The following NAALADL2 variants were observed in gnomAD, a reference collection of about 807,000 sequenced individuals.
The protein encoded by NAALADL2 is N-acetylated alpha-linked acidic dipeptidase like 2.
Under a neutral mutation model 87.2 loss-of-function variants are expected in NAALADL2, and 76 were observed. The ratio of observed to expected loss-of-function variants is 0.87; its 90% confidence interval spans 0.72 to 1.05. The LOEUF (loss-of-function observed/expected upper bound fraction) is 1.05, where lower values mean the gene tolerates loss of function less well. Among genes scored for constraint, NAALADL2 ranks in the 50% least tolerant of loss-of-function variants. The pLI is 0.00. For synonymous variants in NAALADL2, 354 were observed against 331.0 expected (o/e 1.07, Z -0.75); for missense variants, 1,089 against 945.8 (o/e 1.15, Z -1.99).
intron 2 of NAALADL2, among the ~76,000 whole-genome samples, chr3:174,671,657 A>G (rs1258394619): frequency 6.6e-6 from 1 of 152,086 alleles, no homozygotes; most frequent in Non-Finnish European, 1.5e-5. Context: ...GAGTAAACAG[A>G]TTTCATATCC....
chr3:174,888,631 C>A (rs1730494164), intron 1 of NAALADL2, among the ~76,000 whole-genome samples: 1 of 152,186 alleles, frequency 6.6e-6, no homozygotes, highest in Admixed American at 6.5e-5. Context: ...GTAGTGACTC[C>A]TATCATTCGG....
rs559045817 is a variant in NAALADL2 at position 174,641,588 on chromosome 3, T to G, written c.-115+90951T>G. Among the ~76,000 whole-genome samples, 5 of 152,120 alleles carry G rather than the reference T, an allele frequency of 3.3e-5. No homozygotes were observed. In the East Asian group the frequency reaches 9.7e-4, roughly 29 times the overall value. On this transcript the variant is annotated intron_variant, in intron 2 of 3. Coordinates refer to the NAALADL2 transcript ENST00000434257. The stretch of plus-strand genomic sequence containing the variant: ...TGACGCTGGGAATTCAACACGTCAA[T>G]GTACCTGTCCCTGGTAAAGTAAGTT...
At chr3:175,156,487 G>A (rs1732349840) in intron 2 of NAALADL2, among the ~76,000 whole-genome samples, 1 of 152,006 alleles carries the variant, frequency 6.6e-6, no homozygotes, top group Non-Finnish European at 1.5e-5. Context: ...TGAACACTAT[G>A]TTGAAATAAT....
intron 12 of NAALADL2, among the ~76,000 whole-genome samples, chr3:175,739,942 T>C (rs113444565): frequency 3.2e-4 from 49 of 152,318 alleles, no homozygotes; most frequent in African/African-American, 9.6e-4. Context: ...ATAGCAGTTG[T>C]ATCCAGAGTA....
chr3:175,047,276 T>A (rs1010029939), intron 1 of NAALADL2, among the ~76,000 whole-genome samples: 2 of 152,178 alleles, frequency 1.3e-5, no homozygotes, highest in Non-Finnish European at 2.9e-5. Flanking sequence ...ATTCACATTG[T>A]CATTATTTGA....
intron 1 of NAALADL2, among the ~76,000 whole-genome samples, chr3:174,900,098 A>C (rs1732130132): frequency 6.6e-6 from 1 of 151,074 alleles, no homozygotes; most frequent in Non-Finnish European, 1.5e-5. Context: ...AAAGATATTG[A>C]GGAGAGAACC....
At chr3:174,881,335 T>G (rs1425939308) in intron 1 of NAALADL2, among the ~76,000 whole-genome samples, 1 of 152,120 alleles carries the variant, frequency 6.6e-6, no homozygotes, top group Non-Finnish European at 1.5e-5. Flanking sequence ...TTTTGAACAT[T>G]TTGTGTTTTA....
intron 2 of NAALADL2, among the ~76,000 whole-genome samples, chr3:175,188,893 C>T (rs1431502859): frequency 1.3e-5 from 2 of 150,588 alleles, no homozygotes; most frequent in South Asian, 4.2e-4. Flanking sequence ...CTCCAGGACC[C>T]AAGCCCGAGA....
chr3:175,672,918 C>A (rs1369457764), intron 11 of NAALADL2, among the ~76,000 whole-genome samples: 4 of 152,022 alleles, frequency 2.6e-5, no homozygotes, highest in African/African-American at 4.8e-5. Flanking sequence ...AGATTGCTTT[C>A]TTCAAATTAT....
intron 3 of NAALADL2, among the ~76,000 whole-genome samples, chr3:175,246,893 A>G (rs1581104458): frequency 6.6e-6 from 1 of 152,300 alleles, no homozygotes; most frequent in African/African-American, 2.4e-5. Flanking sequence ...TCACATTTTT[A>G]GTTCTATTGG....
chr3:174,920,479 T>C (rs1350449865), intron 1 of NAALADL2, among the ~76,000 whole-genome samples: 2 of 152,194 alleles, frequency 1.3e-5, no homozygotes, highest in Non-Finnish European at 2.9e-5. Context: ...TTCTTCTGTA[T>C]CTTCCTCACC....
At chr3:175,159,786 T>A (rs1373649280) in intron 2 of NAALADL2, among the ~76,000 whole-genome samples, 1 of 150,884 alleles carries the variant, frequency 6.6e-6, no homozygotes, top group East Asian at 2.0e-4. Flanking sequence ...CTTCCCTCCC[T>A]CCCTGCCTCC....
At chr3:174,704,435 T>A (rs1197450776) in intron 2 of NAALADL2, among the ~76,000 whole-genome samples, 2 of 152,186 alleles carry the variant, frequency 1.3e-5, no homozygotes, top group African/African-American at 4.8e-5. Flanking sequence ...TATTTGATAG[T>A]AATGTTTTAA....
In NAALADL2 at chr3:175,254,367, A is replaced by G. The variant is rs144690396; in HGVS notation, c.820-2044A>G. On this transcript the variant is annotated intron_variant, in intron 3 of 13. Coordinates refer to ENST00000454872, the MANE Select transcript of NAALADL2 (RefSeq NM_207015.3). Reference sequence around the variant, plus strand: ...TTAAATTTGTTTTAGACATAATGCTACTGCACACTTAATAGACTACAATAT... The same window carrying G: ...TTAAATTTGTTTTAGACATAATGCTGCTGCACACTTAATAGACTACAATAT... Among the ~76,000 whole-genome samples, 621 of 152,318 alleles carry G rather than the reference A, an allele frequency of 4.1e-3. 6 individuals carry two copies. The highest frequency in any genetic ancestry group is 0.014 in the African/African-American group (592 of 41,582).
At chr3:175,079,810 A>G (rs899254677) in intron 1 of NAALADL2, among the ~76,000 whole-genome samples, 2 of 151,628 alleles carry the variant, frequency 1.3e-5, no homozygotes, top group African/African-American at 4.9e-5. Context: ...GTGCACACAC[A>G]CGTACGTAAA....
At chr3:175,223,293 C>T (rs1348650203) in intron 2 of NAALADL2, among the ~76,000 whole-genome samples, 1 of 150,992 alleles carries the variant, frequency 6.6e-6, no homozygotes, top group African/African-American at 2.4e-5. Context: ...ACCATATACC[C>T]CTACCTCCCG....
At chr3:175,014,584 A>G (rs1750575109) in intron 1 of NAALADL2, among the ~76,000 whole-genome samples, 1 of 152,306 alleles carries the variant, frequency 6.6e-6, no homozygotes, top group South Asian at 2.1e-4. Context: ...TGAATGACAC[A>G]TACCATTTTA....
chr3:175,131,753 C>A (rs1430818570), intron 2 of NAALADL2, among the ~76,000 whole-genome samples: 13 of 150,834 alleles, frequency 8.6e-5, no homozygotes, highest in African/African-American at 1.7e-4. Context: ...CCGGACAGGG[C>A]GGCTGGCCGG....
At chr3:174,630,308 A>G (rs1721984356) in intron 2 of NAALADL2, among the ~76,000 whole-genome samples, 1 of 152,076 alleles carries the variant, frequency 6.6e-6, no homozygotes, top group Admixed American at 6.6e-5. Context: ...CTTTAATTGG[A>G]GTATATAAGA....
Sources: allele counts gnomAD v4.1 joint callset (sites outside exome capture counted in the v4.1 genomes callset), GRCh38; gene constraint gnomAD v4.1.1; transcripts MANE v1.5; gene names NCBI Gene and HGNC (gene_info 2026-07-23, HGNC 2026-07-21).